Variants in FAM110B observed in about 807,000 individuals in gnomAD.
FAM110B encodes family with sequence similarity 110 member B, also known as protein FAM110B.
Under a neutral mutation model 20.4 loss-of-function variants are expected in FAM110B, and 6 were observed. The ratio of observed to expected loss-of-function variants is 0.29; its 90% CI spans 0.16 to 0.58. FAM110B has a LOEUF of 0.58. Ranked by LOEUF, FAM110B falls within the 20% of genes least tolerant of loss-of-function variation. The pLI, the probability that FAM110B is intolerant of heterozygous loss-of-function variation, is 0.90. For synonymous variants in FAM110B, 226 were observed against 214.1 expected (o/e 1.06, Z -0.49); for missense variants, 434 against 498.2 (o/e 0.87, Z 1.23).
At chr8:58,072,290 T>C (rs1171046084) in intron 2 of FAM110B, among the ~76,000 whole-genome samples, 1 of 152,224 alleles carries the variant, frequency 6.6e-6, no homozygotes, top group Non-Finnish European at 1.5e-5. Context: ...CATGGAAAGA[T>C]GTAGGAAGTA....
chr8:58,054,094 G>C (rs548341455), intron 2 of FAM110B, among the ~76,000 whole-genome samples: 1 of 152,210 alleles, frequency 6.6e-6, no homozygotes, highest in African/African-American at 2.4e-5. Flanking sequence ...GGCTGCCTTT[G>C]ATTGGCCAAA....
chr8:58,001,989 A>AAAATATAG (rs1236911507), intron 1 of FAM110B, among the ~76,000 whole-genome samples: 2 of 152,186 alleles, frequency 1.3e-5, no homozygotes, highest in African/African-American at 4.8e-5. Context: ...TAAGGTCAGG[A>AAAATATAG]AAATATAGAT....
intron 2 of FAM110B, among the ~76,000 whole-genome samples, chr8:58,051,510 A>G (rs977192794): frequency 2.0e-5 from 3 of 152,156 alleles, no homozygotes; most frequent in Admixed American, 6.5e-5. Context: ...TAAGCAAGCT[A>G]TAAGACAAAA....
At chr8:58,114,053 G>T (rs1205556244) in intron 3 of FAM110B, among the ~76,000 whole-genome samples, 1 of 152,152 alleles carries the variant, frequency 6.6e-6, no homozygotes, top group Admixed American at 6.5e-5. Flanking sequence ...GTTTGCTCTA[G>T]CTTAACCTCT....
At chr8:58,135,355 G>C (rs1308404858) in intron 3 of FAM110B, among the ~76,000 whole-genome samples, 5 of 152,192 alleles carry the variant, frequency 3.3e-5, no homozygotes, top group Non-Finnish European at 7.3e-5. Context: ...GACATTGTAT[G>C]TGCTTAATAG....
At chr8:58,047,352 G>A (rs1209519644) in intron 2 of FAM110B, among the ~76,000 whole-genome samples, 1 of 152,100 alleles carries the variant, frequency 6.6e-6, no homozygotes, top group African/African-American at 2.4e-5. Flanking sequence ...GTCTGTGTTG[G>A]GGGAGGATGT....
At chr8:58,061,421 A>C (rs532627891) in intron 2 of FAM110B, among the ~76,000 whole-genome samples, 2 of 151,776 alleles carry the variant, frequency 1.3e-5, no homozygotes, top group East Asian at 3.9e-4. Flanking sequence ...TATGATAAAA[A>C]ACATTCATCA....
rs150922271 is a variant in FAM110B at position 58,103,580 on chromosome 8, G to A, written c.-325+27957G>A. Among the ~76,000 whole-genome samples, 191 of 152,100 alleles carry A rather than the reference G, an allele frequency of 1.3e-3. 2 individuals carry two copies. The highest frequency in any genetic ancestry group is 0.011 in the East Asian group (55 of 5,176). On this transcript the variant is annotated intron_variant, in intron 3 of 3. Coordinates refer to ENST00000519262, the MANE Select transcript of FAM110B (RefSeq NM_001377989.1). ...TATCAGTCAACCTTGATAATAAATT[G>A]CAATCATTTTTACTACTTTAACCCC...
rs1804379093 is a variant in FAM110B, at chr8:58,005,345, T to C, written c.-512+10539T>C. ...TTACGGTTTGTAGTGCCCCAAACAA[T>C]TACAATGGTAACATTGAAGATCCCT... On this transcript the variant is annotated intron_variant, in intron 1 of 3. Transcript: ENST00000519262. Among the ~76,000 whole-genome samples, 3 of 152,164 alleles carry C rather than the reference T, an allele frequency of 2.0e-5. No homozygotes were observed. In the South Asian group the frequency reaches 6.2e-4, roughly 32 times the overall value.
At position 58,146,152 on chromosome 8, in the gene FAM110B, A is replaced by T; in HGVS notation, c.-79A>T. On this transcript the variant is annotated 5_prime_UTR_variant, in exon 4 of 4. The change abolishes an upstream ATG in the 5' untranslated region. Coordinates refer to ENST00000519262, the MANE Select transcript of FAM110B (RefSeq NM_001377989.1). ...CTGCACCCGCCGCCCTTGGCGCTTC[A>T]TGTACATGTGTCTATTCAGGCCTTG... 6.7e-7 allele frequency: 1 copy of T among 1,490,122 alleles called. No individual in the cohort carries two copies. The highest frequency in any genetic ancestry group is 9.0e-7 in the Non-Finnish European group (1 of 1,115,904). The allele number at this position is 1,490,122 out of a possible 1,614,324, so 92.3% of individuals were successfully genotyped here. A position where few individuals can be genotyped will look rare whatever the true frequency, so the allele number is the denominator to read the frequency against.
chr8:58,144,842 CATT>C lies in FAM110B; in HGVS notation c.-324-1062_-324-1060del, dbSNP rs563719644. On this transcript the variant is annotated intron_variant, in intron 3 of 3. Coordinates refer to ENST00000519262, the MANE Select transcript of FAM110B (RefSeq NM_001377989.1). ...TCCAGGGGCTGCAGGGTAAGAGTTA[CATT>C]ATATGGCATATGAAATAAAAAGACT... Among the ~76,000 whole-genome samples the C allele has an allele frequency of 2.6e-5, 4 of 152,246 alleles. 1 individual carries two copies. The highest frequency in any genetic ancestry group is 9.6e-5 in the African/African-American group (4 of 41,526).
At chr8:58,010,617 A>T (rs1315639477) in intron 1 of FAM110B, among the ~76,000 whole-genome samples, 1 of 152,216 alleles carries the variant, frequency 6.6e-6, no homozygotes, top group Non-Finnish European at 1.5e-5. Context: ...TTAAAGTTCC[A>T]TCTAGGAGGA....
At chr8:58,038,445 C>T (rs1805132049) in intron 2 of FAM110B, among the ~76,000 whole-genome samples, 1 of 152,174 alleles carries the variant, frequency 6.6e-6, no homozygotes, top group African/African-American at 2.4e-5. Context: ...CAAAGGTATT[C>T]TTAGTGTAGG....
intron 2 of FAM110B, among the ~76,000 whole-genome samples, chr8:58,066,113 C>G (rs1805755312): frequency 1.3e-5 from 2 of 152,094 alleles, no homozygotes; most frequent in African/African-American, 4.8e-5. Flanking sequence ...AGTACCCCGC[C>G]CCCTTCACCA....
At chr8:58,028,685 A>G (rs141834627) in intron 1 of FAM110B, among the ~76,000 whole-genome samples, 1 of 152,300 alleles carries the variant, frequency 6.6e-6, no homozygotes, top group East Asian at 1.9e-4. Flanking sequence ...CGGTTTCTAG[A>G]AAGGAGTATT....
At position 58,007,285 on chromosome 8, in the gene FAM110B, G is replaced by A. The variant is rs548270509; in HGVS notation, c.-512+12479G>A. 2.0e-5 allele frequency among the ~76,000 whole-genome samples: 3 copies of A among 152,246 alleles called. No homozygotes were observed. In the South Asian group the frequency reaches 6.2e-4, roughly 32 times the overall value. ...TGAAATGTCCTGTTGCCTTTTTTAA[G>A]AAATGGCTTTAGAGTCCATTGCTAT... On this transcript the variant is annotated intron_variant, in intron 1 of 3. Coordinates refer to ENST00000519262, the MANE Select transcript of FAM110B (RefSeq NM_001377989.1).
chr8:58,119,432 T>G (rs1171771208), intron 3 of FAM110B, among the ~76,000 whole-genome samples: 2 of 152,146 alleles, frequency 1.3e-5, no homozygotes, highest in Non-Finnish European at 2.9e-5. Context: ...CTAATCCTAT[T>G]CATGAGACTG....
chr8:58,073,466 T>C (rs1053149841), intron 2 of FAM110B, among the ~76,000 whole-genome samples: 1 of 152,192 alleles, frequency 6.6e-6, no homozygotes, highest in African/African-American at 2.4e-5. Flanking sequence ...CATATCCTGT[T>C]TTTATATTTT....
chr8:58,110,926 C>T (rs191656944), intron 3 of FAM110B, among the ~76,000 whole-genome samples: 27 of 152,130 alleles, frequency 1.8e-4, no homozygotes, highest in Admixed American at 1.1e-3. Context: ...GCATAGATTC[C>T]GAATTACAAG....
Sources: gnomAD v4.1 joint callset for allele counts (sites outside exome capture counted in the v4.1 genomes callset) on GRCh38, gnomAD v4.1.1 for gene constraint, MANE v1.5 for transcripts, NCBI Gene and HGNC (gene_info 2026-07-23, HGNC 2026-07-21) for gene names.